PSMD6: variants seen among roughly 807,000 people sequenced by gnomAD.
The protein encoded by PSMD6 is proteasome 26S subunit, non-ATPase 6.
In PSMD6, 7 loss-of-function variants were observed where a neutral mutation model predicts 44.9. That is an observed-to-expected ratio of 0.16 (90% CI 0.09 to 0.29). PSMD6 has a LOEUF of 0.29. Ranked by LOEUF, PSMD6 falls within the 10% of genes least tolerant of loss-of-function variation. PSMD6 has a pLI of 1.00. For synonymous variants in PSMD6, 184 were observed against 172.7 expected (o/e 1.07, Z -0.51); for missense variants, 420 against 482.6 (o/e 0.87, Z 1.21).
intron 5 of PSMD6, chr3:64,016,783 A>G (rs2076050750): frequency 6.6e-6 from 1 of 152,286 alleles, no homozygotes; most frequent in Admixed American, 6.5e-5. Flanking sequence ...TTCCTCAAAA[A>G]GTTTATCAGA....
chr3:64,023,620 G>T (rs2076170985), upstream of PSMD6: 10 of 1,416,772 alleles, frequency 7.1e-6, no homozygotes, highest in Non-Finnish European at 9.2e-6. Context: ...TGGTCACGGG[G>T]GCTTTTCCAC....
rs1382548642 is a variant in PSMD6, at chr3:64,017,846, A to T, written c.826+753T>A. On this transcript the variant is annotated intron_variant, in intron 5 of 7. Coordinates refer to ENST00000295901, the MANE Select transcript of PSMD6 (RefSeq NM_014814.3). ...CTGAAATTTGCAGCATAAACAAAAT[A>T]TATCAATGTCAAATTTTAAGTTTTG... is the stretch of plus-strand genomic sequence containing the variant. 3 of 152,362 alleles carry T rather than the reference A, an allele frequency of 2.0e-5. No homozygotes were observed. In the East Asian group the frequency reaches 5.8e-4, roughly 29 times the overall value. 9.4% of individuals were successfully genotyped at this position (152,362 alleles called of 1,614,324 possible).
intron 5 of PSMD6, chr3:64,015,995 G>T (rs2076037608): frequency 6.6e-6 from 1 of 152,076 alleles, no homozygotes. Flanking sequence ...AGACGATCCT[G>T]GCTAACACAG....
chr3:64,013,845 A>C (rs1159498033), intron 5 of PSMD6: 1 of 354,066 alleles, frequency 2.8e-6, no homozygotes, highest in Non-Finnish European at 5.1e-6. Flanking sequence ...ATCAGAGCTC[A>C]GCTTCTAAAG....
At chr3:64,014,574 T>G (rs2076014997) in intron 5 of PSMD6, 1 of 152,062 alleles carries the variant, frequency 6.6e-6, no homozygotes, top group South Asian at 2.1e-4. Flanking sequence ...AGACTCAGAA[T>G]GCAAGCAGGA....
chr3:64,010,804 C>A, intron 7 of PSMD6, 40 bp from the exon 8 acceptor site: 2 of 1,575,516 alleles, frequency 1.3e-6, no homozygotes, highest in South Asian at 1.1e-5. Flanking sequence ...ATTTACCAGT[C>A]ACATTATTCC....
chr3:64,017,847 T>C (rs1368038235), intron 5 of PSMD6: 1 of 152,188 alleles, frequency 6.6e-6, no homozygotes, highest in Non-Finnish European at 1.5e-5. Context: ...AAACAAAATA[T>C]ATCAATGTCA....
rs961194477 is a variant in PSMD6, at chr3:64,019,289, A to G, written c.497+7T>C. 1.9e-6 allele frequency: 3 copies of G among 1,566,500 alleles called. No individual in the cohort carries two copies. In the African/African-American group the frequency reaches 4.1e-5, roughly 21 times the overall value. On this transcript the variant is annotated splice_region_variant and intron_variant, in intron 3 of 7. Transcript: ENST00000295901. Reference sequence around the variant, plus strand: ...AGAGAAAATATAATCCCACCCTTAGAAAGTACCTTTTGGCCTTTTCTGTGT... The same window carrying G: ...AGAGAAAATATAATCCCACCCTTAGGAAGTACCTTTTGGCCTTTTCTGTGT...
chr3:64,022,596 A>AC (rs574113068), intron 1 of PSMD6, 73 bp from the exon 2 acceptor site: 34 of 1,516,164 alleles, frequency 2.2e-5, no homozygotes, highest in Non-Finnish European at 2.9e-5. Flanking sequence ...CACGTATTTC[A>AC]CCCCCCGCCC....
chr3:64,015,075 G>A (rs1403240914), intron 5 of PSMD6: 1 of 152,168 alleles, frequency 6.6e-6, no homozygotes, highest in South Asian at 2.1e-4. Flanking sequence ...GCAACATGGA[G>A]ATCAATGGCC....
chr3:64,018,435 C>G (rs2076081375), intron 5 of PSMD6, 164 bp downstream of exon 5: 1 of 553,032 alleles, frequency 1.8e-6, no homozygotes, highest in African/African-American at 1.9e-5. Context: ...TCTGATGACC[C>G]TTCTTCTAAA....
intron 2 of PSMD6, among the ~76,000 whole-genome samples, chr3:64,020,349 G>A (rs868703457): frequency 1.3e-5 from 2 of 152,038 alleles, no homozygotes; most frequent in Middle Eastern, 3.2e-3. Flanking sequence ...GTAAATAGGA[G>A]GGGAAAAGTT....
At chr3:64,022,196 CATG>C in intron 2 of PSMD6, 119 bp downstream of exon 2, 1 of 1,094,424 alleles carries the variant, frequency 9.1e-7, no homozygotes, top group South Asian at 1.5e-5. Flanking sequence ...TACAAGCAAG[CATG>C]ATTACCTTTA....
intron 1 of PSMD6, 188 bp downstream of exon 1, chr3:64,023,087 A>G (rs1475660514): frequency 2.1e-6 from 3 of 1,426,214 alleles, no homozygotes; most frequent in Non-Finnish European, 2.7e-6. Flanking sequence ...GACCCCGCTG[A>G]GGCAAGTCGA....
chr3:64,011,018 G>GTTT lies in PSMD6; in HGVS notation c.996-64_996-63insAAA, dbSNP rs764767704. ...AGAAAATTCTTAGAAAAATGCAAAC[G>GTTT]GCATTAAAATACTGTCTTAAATTTG... On this transcript the variant is annotated intron_variant, in intron 6 of 7. Transcript: ENST00000295901. 4,602 of 1,335,148 alleles carry GTTT rather than the reference G, an allele frequency of 3.4e-3. 13 individuals carry two copies. The highest frequency in any genetic ancestry group is 4.1e-3 in the Non-Finnish European group (3,931 of 961,260). The allele number at this position is 1,335,148 out of a possible 1,614,324, so 82.7% of individuals were successfully genotyped here. A position where few individuals can be genotyped will look rare whatever the true frequency, so the allele number is the denominator to read the frequency against.
intron 5 of PSMD6, chr3:64,013,814 A>C (rs2076000959): frequency 2.5e-6 from 1 of 406,046 alleles, no homozygotes. Context: ...TTCAAGTAAC[A>C]GGTGGCTATT....
intron 2 of PSMD6, 173 bp from the exon 3 acceptor site, chr3:64,019,614 T>G (rs892862112): frequency 5.3e-6 from 3 of 564,372 alleles, no homozygotes; most frequent in African/African-American, 3.9e-5. Flanking sequence ...CAAGGGTTTA[T>G]TATTCTACTT....
At chr3:64,021,338 C>T (rs2076127682) in intron 2 of PSMD6, among the ~76,000 whole-genome samples, 1 of 152,078 alleles carries the variant, frequency 6.6e-6, no homozygotes, top group African/African-American at 2.4e-5. Flanking sequence ...ATGGAAAAGA[C>T]CTCTTAAATA....
chr3:64,023,924 A>G (rs191860797), upstream of PSMD6: 22 of 1,132,664 alleles, frequency 1.9e-5, no homozygotes, highest in African/African-American at 3.4e-4. Flanking sequence ...TTAGGGAAAC[A>G]GACCAACCAA....
Sources: allele counts gnomAD v4.1 joint callset (sites outside exome capture counted in the v4.1 genomes callset), GRCh38; gene constraint gnomAD v4.1.1; transcripts MANE v1.5; gene names NCBI Gene and HGNC (gene_info 2026-07-23, HGNC 2026-07-21).